Variants in CCDC178 observed in about 807,000 individuals in gnomAD.
CCDC178 encodes coiled-coil domain-containing protein 178.
A neutral mutation model predicts 117.4 loss-of-function variants in CCDC178; 126 were observed. The observed-to-expected ratio is 1.07, with a 90% CI of 0.93 to 1.24. CCDC178 has a LOEUF of 1.24. CCDC178 is among the 50% of genes most tolerant of loss of function. The pLI is 0.00. For synonymous variants in CCDC178, 283 were observed against 313.4 expected (o/e 0.90, Z 1.02); for missense variants, 1,030 against 986.9 (o/e 1.04, Z -0.59).
chr18:33,308,383 G>A (rs1422008494), intron 11 of CCDC178, among the ~76,000 whole-genome samples: 8 of 152,198 alleles, frequency 5.3e-5, no homozygotes, highest in Admixed American at 3.9e-4. Flanking sequence ...CATTTGGAAT[G>A]AGTTTATTTA....
At chr18:33,371,192 C>A (rs999346093) in intron 5 of CCDC178, among the ~76,000 whole-genome samples, 11 of 151,884 alleles carry the variant, frequency 7.2e-5, no homozygotes, top group African/African-American at 2.7e-4. Context: ...TCTAGAAACA[C>A]AATCTCTTGT....
intron 20 of CCDC178, among the ~76,000 whole-genome samples, chr18:33,204,934 T>A (rs1361116372): frequency 6.6e-6 from 1 of 152,046 alleles, no homozygotes; most frequent in Non-Finnish European, 1.5e-5. Context: ...CAATTAATTA[T>A]GACCAGGAAA....
At chr18:33,087,132 C>T (rs1028180583) in intron 21 of CCDC178, among the ~76,000 whole-genome samples, 1 of 151,866 alleles carries the variant, frequency 6.6e-6, no homozygotes, top group Non-Finnish European at 1.5e-5. Context: ...TAAGGTGTGG[C>T]TAATATTAAA....
chr18:33,288,137 A>G (rs991231598), intron 12 of CCDC178, among the ~76,000 whole-genome samples: 6 of 152,046 alleles, frequency 3.9e-5, no homozygotes, highest in Non-Finnish European at 8.8e-5. Flanking sequence ...TCTACACTCC[A>G]GGTCACCAAG....
intron 2 of CCDC178, among the ~76,000 whole-genome samples, chr18:33,435,512 C>T (rs1368772165): frequency 6.6e-6 from 1 of 151,688 alleles, no homozygotes; most frequent in Non-Finnish European, 1.5e-5. Context: ...TAAATGAGAC[C>T]CTTTTCTAAC....
chr18:33,143,603 ATAT>A (rs1414496419), intron 20 of CCDC178, among the ~76,000 whole-genome samples: 2 of 152,080 alleles, frequency 1.3e-5, no homozygotes, highest in African/African-American at 2.4e-5. Context: ...ATGTTCCCTA[ATAT>A]TATTATATAG....
chr18:33,209,391 T>C (rs2059081767), intron 20 of CCDC178, among the ~76,000 whole-genome samples: 1 of 152,062 alleles, frequency 6.6e-6, no homozygotes, highest in African/African-American at 2.4e-5. Flanking sequence ...CATTAACTCT[T>C]GTGACTTTTA....
At chr18:33,141,234 G>A (rs1255376165) in intron 20 of CCDC178, among the ~76,000 whole-genome samples, 1 of 152,164 alleles carries the variant, frequency 6.6e-6, no homozygotes, top group Non-Finnish European at 1.5e-5. Context: ...ATTCAGAAAA[G>A]CACACAGAAG....
At chr18:33,440,307 C>CT (rs2064363796) in intron 1 of CCDC178, among the ~76,000 whole-genome samples, 1 of 9,322 alleles carries the variant, frequency 1.1e-4, no homozygotes, top group African/African-American at 4.2e-4. Context: ...GACTGGGGGA[C>CT]TGGGGGACTG....
intron 20 of CCDC178, among the ~76,000 whole-genome samples, chr18:33,122,248 G>C (rs1433675439): frequency 6.6e-6 from 1 of 152,126 alleles, no homozygotes; most frequent in Non-Finnish European, 1.5e-5. Context: ...GGGGATGACT[G>C]AAATGGAAGT....
At chr18:32,965,893 A>G (rs2054802705) in intron 22 of CCDC178, among the ~76,000 whole-genome samples, 1 of 149,514 alleles carries the variant, frequency 6.7e-6, no homozygotes, top group Non-Finnish European at 1.5e-5. Flanking sequence ...ATATTTTCCT[A>G]TTGGGTTATA....
intron 20 of CCDC178, among the ~76,000 whole-genome samples, 197 bp from the exon 21 acceptor site, chr18:33,093,107 T>C (rs1448866571): frequency 2.6e-5 from 4 of 152,122 alleles, no homozygotes; most frequent in African/African-American, 9.7e-5. Context: ...AATATTCTTT[T>C]TTGATGCAGG....
chr18:33,085,234 T>C (rs2057362170), intron 21 of CCDC178, among the ~76,000 whole-genome samples: 1 of 152,164 alleles, frequency 6.6e-6, no homozygotes, highest in South Asian at 2.1e-4. Context: ...CAAAATATAG[T>C]TTGTAAAAAA....
At chr18:33,182,996 C>G (rs1568039416) in intron 20 of CCDC178, among the ~76,000 whole-genome samples, 1 of 151,926 alleles carries the variant, frequency 6.6e-6, no homozygotes, top group Admixed American at 6.6e-5. Context: ...ACCTTTTTCT[C>G]TAAAGAATTT....
chr18:33,098,384 T>C (rs375598051), intron 20 of CCDC178, among the ~76,000 whole-genome samples: 2 of 151,974 alleles, frequency 1.3e-5, no homozygotes, highest in African/African-American at 4.8e-5. Flanking sequence ...TTCTTTCAAT[T>C]ATGTATTGTA....
chr18:33,339,557 G>C (rs79639576), intron 9 of CCDC178, among the ~76,000 whole-genome samples: 1 of 151,520 alleles, frequency 6.6e-6, no homozygotes, highest in African/African-American at 2.4e-5. Context: ...AAATGGAAGA[G>C]AGACCTTGAT....
chr18:33,032,681 T>G (rs2056367025), intron 21 of CCDC178, among the ~76,000 whole-genome samples: 1 of 152,066 alleles, frequency 6.6e-6, no homozygotes, highest in African/African-American at 2.4e-5. Flanking sequence ...CAAGAAGACC[T>G]TCATATGCAA....
intron 21 of CCDC178, among the ~76,000 whole-genome samples, chr18:32,997,677 A>T (rs934561131): frequency 3.3e-5 from 5 of 152,112 alleles, no homozygotes; most frequent in African/African-American, 1.2e-4. Context: ...ATATATGTAT[A>T]TCATACATAT....
intron 20 of CCDC178, among the ~76,000 whole-genome samples, chr18:33,161,189 A>G (rs912667440): frequency 1.3e-5 from 2 of 152,178 alleles, no homozygotes; most frequent in Non-Finnish European, 2.9e-5. Flanking sequence ...TAGTGGAGTT[A>G]AATTATCTAT....
Sources: gnomAD v4.1 joint callset for allele counts (sites outside exome capture counted in the v4.1 genomes callset) on GRCh38, gnomAD v4.1.1 for gene constraint, MANE v1.5 for transcripts, NCBI Gene and HGNC (gene_info 2026-07-23, HGNC 2026-07-21) for gene names.